Variants in RNF150 observed in about 807,000 individuals in gnomAD.
The protein encoded by RNF150 is ring finger protein 150.
Under a neutral mutation model 39.3 loss-of-function variants are expected in RNF150, and 24 were observed. The observed-to-expected ratio is 0.61, with a 90% CI of 0.44 to 0.86. The LOEUF is 0.86. Among genes scored for constraint, RNF150 ranks in the 40% least tolerant of loss-of-function variants. The pLI is 0.00. For missense variants in RNF150, 502 were observed against 587.8 expected, an observed-to-expected ratio of 0.85 and a Z score of 1.51; for synonymous variants, 255 against 227.3, an observed-to-expected ratio of 1.12 and a Z score of -1.10.
At chr4:141,008,967 T>A (rs1734968208) in intron 1 of RNF150, among the ~76,000 whole-genome samples, 1 of 152,198 alleles carries the variant, frequency 6.6e-6, no homozygotes, top group Non-Finnish European at 1.5e-5. Flanking sequence ...GTGCTTGGGT[T>A]TTCATTGGGA....
intron 1 of RNF150, among the ~76,000 whole-genome samples, chr4:141,094,626 GC>G (rs1343147478): frequency 6.6e-6 from 1 of 152,238 alleles, no homozygotes; most frequent in Non-Finnish European, 1.5e-5. Flanking sequence ...ACAAAAACAG[GC>G]CTCAGGCCAG....
intron 1 of RNF150, among the ~76,000 whole-genome samples, chr4:141,032,678 T>G (rs1735995323): frequency 9.2e-5 from 14 of 151,716 alleles, no homozygotes. Context: ...AAAGAAAATC[T>G]TAAGGCAACA....
intron 6 of RNF150, among the ~76,000 whole-genome samples, chr4:140,881,878 CTCTTTAAAAAAA>C (rs934594706): frequency 9.6e-5 from 14 of 145,224 alleles, no homozygotes; most frequent in South Asian, 2.3e-4. Flanking sequence ...AAGACTCCAT[CTCTTTAAAAAAA>C]GAGGATGTTG....
chr4:141,170,995 G>C (rs529665945), intron 1 of RNF150, among the ~76,000 whole-genome samples: 35 of 152,178 alleles, frequency 2.3e-4, no homozygotes, highest in Admixed American at 5.9e-4. Flanking sequence ...AGAACACAAA[G>C]AGGAATACGA....
chr4:141,173,560 G>A (rs1727763978), intron 1 of RNF150, among the ~76,000 whole-genome samples: 1 of 152,140 alleles, frequency 6.6e-6, no homozygotes. Context: ...AGGATCTTCT[G>A]GCTCTATTGC....
intron 2 of RNF150, among the ~76,000 whole-genome samples, chr4:140,956,668 C>T (rs1011407676): frequency 1.3e-5 from 2 of 152,078 alleles, no homozygotes; most frequent in African/African-American, 4.8e-5. Flanking sequence ...TACAAGGCTA[C>T]AGTAACCAAA....
chr4:141,040,509 G>A (rs1736317316), intron 1 of RNF150, among the ~76,000 whole-genome samples: 1 of 152,000 alleles, frequency 6.6e-6, no homozygotes, highest in Non-Finnish European at 1.5e-5. Flanking sequence ...ATTTTTTTGT[G>A]AGCCATGACA....
intron 4 of RNF150, among the ~76,000 whole-genome samples, chr4:140,941,464 C>T (rs1469075119): frequency 6.6e-6 from 1 of 152,154 alleles, no homozygotes; most frequent in African/African-American, 2.4e-5. Flanking sequence ...TACCTTGTTT[C>T]AGGAGTACAT....
At chr4:141,178,110 C>T (rs1727846511) in intron 1 of RNF150, among the ~76,000 whole-genome samples, 2 of 152,064 alleles carry the variant, frequency 1.3e-5, no homozygotes, top group African/African-American at 4.8e-5. Flanking sequence ...GAAAAAAGCA[C>T]TTAGGAAAGT....
intron 1 of RNF150, among the ~76,000 whole-genome samples, chr4:141,159,574 G>A (rs978390804): frequency 2.0e-5 from 3 of 151,938 alleles, no homozygotes; most frequent in Admixed American, 2.0e-4. Flanking sequence ...ATAGGGCCTT[G>A]CTGTGTCACC....
chr4:141,097,164 T>A (rs188668325), intron 1 of RNF150, among the ~76,000 whole-genome samples: 15 of 152,326 alleles, frequency 9.8e-5, no homozygotes, highest in East Asian at 1.9e-4. Flanking sequence ...TTGGGATTTT[T>A]TTTTTACTTC....
At chr4:140,994,499 C>A (rs1734298030) in intron 1 of RNF150, among the ~76,000 whole-genome samples, 1 of 152,104 alleles carries the variant, frequency 6.6e-6, no homozygotes, top group African/African-American at 2.4e-5. Flanking sequence ...CACACACACA[C>A]CACTGCCTAT....
At chr4:140,979,744 T>G (rs1279674821) in intron 1 of RNF150, among the ~76,000 whole-genome samples, 1 of 152,028 alleles carries the variant, frequency 6.6e-6, no homozygotes, top group Non-Finnish European at 1.5e-5. Context: ...CTGGGGACCA[T>G]GAAGCCCAAA....
At chr4:141,080,083 C>T (rs373574402) in intron 1 of RNF150, among the ~76,000 whole-genome samples, 1 of 152,240 alleles carries the variant, frequency 6.6e-6, no homozygotes, top group East Asian at 1.9e-4. Context: ...TCAAAAAAGA[C>T]ATACTTAGTA....
chr4:140,923,563 C>A (rs1322274471), intron 5 of RNF150, among the ~76,000 whole-genome samples: 1 of 152,082 alleles, frequency 6.6e-6, no homozygotes, highest in Non-Finnish European at 1.5e-5. Flanking sequence ...GTCGGTGTGG[C>A]GATTCCTCAG....
intron 1 of RNF150, among the ~76,000 whole-genome samples, chr4:140,991,970 C>T (rs1267168838): frequency 1.3e-5 from 2 of 152,044 alleles, no homozygotes; most frequent in Non-Finnish European, 2.9e-5. Flanking sequence ...GACATGCAAT[C>T]TAGTAAATCT....
At chr4:141,079,330 A>T (rs547834847) in intron 1 of RNF150, among the ~76,000 whole-genome samples, 1 of 152,204 alleles carries the variant, frequency 6.6e-6, no homozygotes, top group Non-Finnish European at 1.5e-5. Context: ...GTAGGCCATT[A>T]AAACTCCTAA....
At chr4:140,888,390 T>G (rs1008578140) in intron 6 of RNF150, among the ~76,000 whole-genome samples, 1 of 152,206 alleles carries the variant, frequency 6.6e-6, no homozygotes, top group Non-Finnish European at 1.5e-5. Flanking sequence ...GGATTTTATC[T>G]AAAGCATATA....
chr4:140,883,239 A>C (rs758949931), intron 6 of RNF150, among the ~76,000 whole-genome samples: 5 of 152,186 alleles, frequency 3.3e-5, no homozygotes, highest in Non-Finnish European at 4.4e-5. Context: ...CCATTAAAGT[A>C]GTTTTTTTCA....
Sources: allele counts gnomAD v4.1 joint callset (sites outside exome capture counted in the v4.1 genomes callset), GRCh38; gene constraint gnomAD v4.1.1; transcripts MANE v1.5; gene names NCBI Gene and HGNC (gene_info 2026-07-23, HGNC 2026-07-21).